The following OR8B3 variants were observed in gnomAD, a reference collection of about 807,000 sequenced individuals.
OR8B3 encodes olfactory receptor 8B3.
For synonymous variants in OR8B3, 102 were observed against 135.4 expected, an observed-to-expected ratio of 0.75 and a Z score of 1.71; for missense variants, 278 against 377.6, an observed-to-expected ratio of 0.74 and a Z score of 2.19.
At position 124,396,770 on chromosome 11, in the gene OR8B3, G is replaced by A. The variant is rs771788079; in HGVS notation, c.582C>T (p.Val194=). The change falls in exon 2 of 2, where the codon GTC becomes GTT. Residue 194 remains valine (V), a synonymous_variant. Coordinates refer to ENST00000641139, the MANE Select transcript of OR8B3 (RefSeq NM_001005467.2). ...CAACAATGAGAACAACCACCTCGTT[G>A]ACATAGGTGCTGGTGCAGGAAAGCT... ...LLQLSCTSTY[V]NEVVVLIVVG... 4.3e-6 allele frequency: 7 copies of A among 1,613,754 alleles called. No homozygotes were observed. Among genetic ancestry groups the A allele is most frequent in the Non-Finnish European group, 5.9e-6 (7 of 1,179,802 alleles).
the OR8B3 span, among the ~76,000 whole-genome samples, chr11:124,405,747 C>G: frequency 2.6e-5 from 4 of 152,216 alleles, no homozygotes; most frequent in Non-Finnish European, 5.9e-5. Context: ...CCCTACAGCT[C>G]TGGAGAAAGT....
At chr11:124,404,930 G>C in the OR8B3 span, 1 of 152,210 alleles carries the variant, frequency 6.6e-6, no homozygotes, top group African/African-American at 2.4e-5. Flanking sequence ...ATGAAGGATA[G>C]CGTGAAGAGG....
upstream of OR8B3, among the ~76,000 whole-genome samples, chr11:124,400,603 A>C (rs1860978922): frequency 6.6e-6 from 1 of 152,014 alleles, no homozygotes; most frequent in South Asian, 2.1e-4. Context: ...CAGTGGCACG[A>C]TCTTGGCTCA....
the OR8B3 span, among the ~76,000 whole-genome samples, chr11:124,408,028 T>C: frequency 6.6e-6 from 1 of 152,178 alleles, no homozygotes; most frequent in Non-Finnish European, 1.5e-5. Flanking sequence ...ATTCCTAAGT[T>C]AGTTTGGGAT....
chr11:124,398,866 A>C lies in OR8B3; in HGVS notation c.-194T>G, dbSNP rs1357855139. 1 of 152,184 alleles carries C rather than the reference A, an allele frequency of 6.6e-6. No individual in the cohort carries two copies. Among genetic ancestry groups the C allele is most frequent in the Non-Finnish European group, 1.5e-5 (1 of 68,030 alleles). 9.4% of individuals were successfully genotyped at this position (152,184 alleles called of 1,614,324 possible). The stretch of plus-strand genomic sequence containing the variant: ...GATCTCAGAATCTGAATGTTCTGGG[A>C]ATCATTTTGTGGTGTAGATCAAACT... On this transcript the variant is annotated 5_prime_UTR_variant, in exon 1 of 2. It adds an upstream start codon to the 5' untranslated region. Transcript: ENST00000641139.
chr11:124,407,495 AT>A, the OR8B3 span, among the ~76,000 whole-genome samples: 4 of 152,118 alleles, frequency 2.6e-5, no homozygotes, highest in Admixed American at 6.5e-5. Flanking sequence ...ATGTTGTTAC[AT>A]TTTCATTAAC....
At chr11:124,399,240 C>T (rs1003056885), upstream of OR8B3, among the ~76,000 whole-genome samples, 2 of 150,366 alleles carry the variant, frequency 1.3e-5, no homozygotes, top group Non-Finnish European at 2.9e-5. Flanking sequence ...AGTATATTAG[C>T]TTTAACAGGA....
chr11:124,398,298 T>C (rs768876547), intron 1 of OR8B3, among the ~76,000 whole-genome samples: 72 of 152,186 alleles, frequency 4.7e-4, no homozygotes, highest in Non-Finnish European at 6.3e-4. Context: ...GGAAGCTGAA[T>C]GTGCTTTCAC....
upstream of OR8B3, among the ~76,000 whole-genome samples, chr11:124,399,823 A>G (rs1244965534): frequency 6.6e-6 from 1 of 152,074 alleles, no homozygotes; most frequent in African/African-American, 2.4e-5. Context: ...GTGCAAATCT[A>G]TGCAATTCTA....
At chr11:124,400,159 C>A (rs1591437701), upstream of OR8B3, among the ~76,000 whole-genome samples, 1 of 152,042 alleles carries the variant, frequency 6.6e-6, no homozygotes, top group East Asian at 1.9e-4. Context: ...CCATACCCAG[C>A]CAAAAATATC....
At position 124,397,267 on chromosome 11, in the gene OR8B3, A is replaced by C; in HGVS notation, c.85T>G (p.Phe29Val). 7.1e-7 allele frequency: 1 copy of C among 1,417,170 alleles called. No homozygotes were observed. Among genetic ancestry groups the C allele is most frequent in the Admixed American group, 1.8e-5 (1 of 55,854 alleles). 87.8% of individuals were successfully genotyped at this position (1,417,170 alleles called of 1,614,324 possible). ...DHPEFQQPLF[F>V]LFLVVYIVTM... ...ACAATGTAGACCACTAGAAACAGGA[A>C]AAAGAGGGGTTGCTGGAACTCTGGA... The change falls in exon 2 of 2, where the codon TTC (phenylalanine) becomes GTC (valine). Residue 29 changes from phenylalanine (F) to valine (V), a missense_variant. Coordinates refer to ENST00000641139, the MANE Select transcript of OR8B3 (RefSeq NM_001005467.2).
upstream of OR8B3, among the ~76,000 whole-genome samples, chr11:124,400,138 G>A (rs1161888177): frequency 6.6e-6 from 1 of 152,114 alleles, no homozygotes; most frequent in African/African-American, 2.4e-5. Flanking sequence ...TGGGACTACA[G>A]GAGTGAGTCA....
At chr11:124,405,822 A>C in the OR8B3 span, among the ~76,000 whole-genome samples, 69 of 152,342 alleles carry the variant, frequency 4.5e-4, no homozygotes, top group African/African-American at 1.5e-3. Flanking sequence ...GAGCCTCTTA[A>C]AGGTTTACAT....
intron 1 of OR8B3, among the ~76,000 whole-genome samples, chr11:124,398,351 G>A (rs1236357165): frequency 6.6e-6 from 1 of 152,126 alleles, no homozygotes; most frequent in East Asian, 1.9e-4. Flanking sequence ...ATTAATTTGG[G>A]TACAGTTATA....
chr11:124,400,016 A>T (rs77964694), upstream of OR8B3, among the ~76,000 whole-genome samples: 2,991 of 151,890 alleles, frequency 0.02, 108 homozygotes, highest in African/African-American at 0.069. Flanking sequence ...ACATGCCACC[A>T]CCATTGGATA....
the OR8B3 span, among the ~76,000 whole-genome samples, chr11:124,405,538 C>T: frequency 6.6e-6 from 1 of 152,212 alleles, no homozygotes; most frequent in Non-Finnish European, 1.5e-5. Context: ...TTCTTTCCCA[C>T]TGTCTTGAAG....
At chr11:124,409,120 A>G in the OR8B3 span, among the ~76,000 whole-genome samples, 1 of 152,184 alleles carries the variant, frequency 6.6e-6, no homozygotes. Flanking sequence ...TTTCCCATTA[A>G]ATGAACTTTT....
At chr11:124,409,228 G>A in the OR8B3 span, among the ~76,000 whole-genome samples, 1 of 152,156 alleles carries the variant, frequency 6.6e-6, no homozygotes, top group Non-Finnish European at 1.5e-5. Flanking sequence ...TTAATATATG[G>A]CACTATTGTA....
the OR8B3 span, among the ~76,000 whole-genome samples, chr11:124,406,644 A>C: frequency 6.6e-6 from 1 of 152,132 alleles, no homozygotes; most frequent in Non-Finnish European, 1.5e-5. Context: ...GTCCCAGAGA[A>C]GCTATCTCTT....
Sources: allele counts gnomAD v4.1 joint callset (sites outside exome capture counted in the v4.1 genomes callset), GRCh38; gene constraint gnomAD v4.1.1; transcripts MANE v1.5; gene names NCBI Gene and HGNC (gene_info 2026-07-23, HGNC 2026-07-21).